The following RECK variants were observed in gnomAD, a reference collection of about 807,000 sequenced individuals.
RECK encodes the protein reversion inducing cysteine rich protein with kazal motifs, also known as reversion-inducing cysteine-rich protein with Kazal motifs.
In RECK, 69 loss-of-function variants were observed where a neutral mutation model predicts 115.1. The observed-to-expected ratio is 0.60, with a 90% confidence interval of 0.49 to 0.73. The LOEUF is 0.73. Ranked by LOEUF, RECK falls within the 30% of genes least tolerant of loss-of-function variation. The pLI is 0.00. For missense variants in RECK, 1,047 were observed against 1,203.7 expected (o/e 0.87, Z 1.93); for synonymous variants, 414 against 419.7 (o/e 0.99, Z 0.17).
intron 12 of RECK, among the ~76,000 whole-genome samples, chr9:36,104,218 T>G (rs1823670947): frequency 6.9e-6 from 1 of 145,980 alleles, no homozygotes; most frequent in Non-Finnish European, 1.5e-5. Flanking sequence ...ACACTACTTA[T>G]TACTTACAAT....
intron 2 of RECK, among the ~76,000 whole-genome samples, chr9:36,054,810 T>A (rs1360752078): frequency 6.6e-6 from 1 of 152,182 alleles, no homozygotes; most frequent in African/African-American, 2.4e-5. Flanking sequence ...AATATAGGGA[T>A]TGTGTCTCAT....
intron 7 of RECK, among the ~76,000 whole-genome samples, chr9:36,082,872 A>G (rs1325309366): frequency 1.3e-5 from 2 of 152,198 alleles, no homozygotes; most frequent in African/African-American, 4.8e-5. Context: ...TGTTTTATAA[A>G]TGTGAGGGAT....
chr9:36,113,420 T>A (rs1462583428), intron 16 of RECK, among the ~76,000 whole-genome samples: 1 of 152,200 alleles, frequency 6.6e-6, no homozygotes, highest in African/African-American at 2.4e-5. Flanking sequence ...CCAAGAAAGT[T>A]TCTATGGAAA....
rs10972727 is a variant in RECK at position 36,110,066 on chromosome 9, T to A, written c.1875T>A (p.Arg625=). The A allele has an allele frequency of 0.35, 563,252 of 1,606,556 alleles. 103,114 individuals are homozygous for A. Among genetic ancestry groups the A allele is most frequent in the Middle Eastern group, 0.46 (2,796 of 6,042 alleles). ...CLSEHSSEDD[R]RTFTGLPCNC... ...GTGAGCACAGTTCAGAAGATGACCG[T>A]CGTACCTTCACAGGTGACTGTGATC... The change falls in exon 15 of 21, where the codon CGT becomes CGA. Residue 625 remains arginine, a synonymous_variant. Coordinates refer to ENST00000377966, the MANE Select transcript of RECK (RefSeq NM_021111.3).
intron 1 of RECK, among the ~76,000 whole-genome samples, chr9:36,045,596 C>CTTT (rs74741110): frequency 1.6e-5 from 2 of 128,416 alleles, no homozygotes; most frequent in African/African-American, 5.6e-5. Flanking sequence ...TAGAGGGAAT[C>CTTT]TTTTTTTTTT....
At chr9:36,106,379 C>A (rs1823817882) in intron 13 of RECK, among the ~76,000 whole-genome samples, 1 of 151,314 alleles carries the variant, frequency 6.6e-6, no homozygotes, top group African/African-American at 2.4e-5. Flanking sequence ...GGATTACAGG[C>A]ACCCACCACC....
rs1824362358 is a variant in RECK, at chr9:36,118,905, A to C, written c.2402A>C (p.Glu801Ala). The C allele has an allele frequency of 6.2e-7, 1 of 1,613,510 alleles. No individual in the cohort carries two copies. The highest frequency in any genetic ancestry group is 1.3e-5 in the African/African-American group (1 of 74,884). ...CTCTCAGAGCACAGCTCCGTCGCCGAGTGTGCTTCTGTCAAGTGTCCTTCG... is the reference window on the plus strand; with the variant it reads ...CTCTCAGAGCACAGCTCCGTCGCCGCGTGTGCTTCTGTCAAGTGTCCTTCG... ...GVLSEHSSVA[E>A]CASVKCPSLL... is the part of the protein sequence containing the mutation. Residue 801 changes from glutamate (E) to alanine (A), a missense_variant, in exon 18 of 21, where the codon GAG becomes GCG. Coordinates refer to ENST00000377966, the MANE Select transcript of RECK (RefSeq NM_021111.3).
chr9:36,056,978 A>G (rs1455574561), intron 2 of RECK: 6 of 985,260 alleles, frequency 6.1e-6, no homozygotes, highest in Non-Finnish European at 7.2e-6. Context: ...CACTGTCCAT[A>G]GCATTCATGG....
In RECK at chr9:36,100,436, A is replaced by G; in HGVS notation, c.1191A>G (p.Ile397Met). The change falls in exon 11 of 21, where the codon ATA (isoleucine) becomes ATG (methionine). Residue 397 changes from isoleucine to methionine, a missense_variant. Physicochemically the swap from Ile to Met is conservative, Grantham distance 10 (BLOSUM62 1). Coordinates refer to ENST00000377966, the MANE Select transcript of RECK (RefSeq NM_021111.3). ...GCATAAAGATGCCATTTATCAATAT[A>G]CCTGTTCTTGATATTAAAAAGTGCC... ...KGSIKMPFINIPVLDIKKCQP... is the reference protein window; with the variant it reads ...KGSIKMPFINMPVLDIKKCQP... 6.2e-7 allele frequency: 1 copy of G among 1,612,898 alleles called. No individual in the cohort carries two copies. The highest frequency in any genetic ancestry group is 8.5e-7 in the Non-Finnish European group (1 of 1,178,872).
chr9:36,084,154 G>A (rs1166407720), intron 8 of RECK, among the ~76,000 whole-genome samples: 3 of 152,136 alleles, frequency 2.0e-5, no homozygotes, highest in Non-Finnish European at 2.9e-5. Context: ...CCAGCACTTT[G>A]AGAAGCCAAG....
At position 36,037,940 on chromosome 9, in the gene RECK, A is replaced by G. The variant is rs571391034; in HGVS notation, c.100+842A>G. Among the ~76,000 whole-genome samples the G allele has an allele frequency of 4.2e-4, 63 of 149,076 alleles. 1 individual carries two copies. In the South Asian group the frequency reaches 0.013, roughly 31 times the overall value. Reference sequence around the variant, plus strand: ...CTGTACTAGACATTGAAAGATGGCTAGGACGTGTGCATGCAAAAGTGGTGA... The same window carrying G: ...CTGTACTAGACATTGAAAGATGGCTGGGACGTGTGCATGCAAAAGTGGTGA... On this transcript the variant is annotated intron_variant, in intron 1 of 20. Transcript: ENST00000377966.
intron 9 of RECK, among the ~76,000 whole-genome samples, 165 bp downstream of exon 9, chr9:36,088,126 C>T (rs769949837): frequency 2.5e-4 from 38 of 151,932 alleles, no homozygotes; most frequent in Non-Finnish European, 5.1e-4. Flanking sequence ...CATTGTGTAC[C>T]GTATACAAAA....
intron 10 of RECK, among the ~76,000 whole-genome samples, chr9:36,092,460 C>T (rs1169060077): frequency 1.3e-5 from 2 of 151,792 alleles, no homozygotes; most frequent in East Asian, 1.9e-4. Flanking sequence ...CAACCTCCGC[C>T]TCCTGGATTC....
chr9:36,090,680 A>T (rs1032310695), intron 9 of RECK, among the ~76,000 whole-genome samples: 2 of 152,214 alleles, frequency 1.3e-5, no homozygotes, highest in Non-Finnish European at 2.9e-5. Context: ...AAATGGCTTT[A>T]GTATAGTTTT....
chr9:36,100,468 A>G lies in RECK; in HGVS notation c.1223A>G (p.Glu408Gly). The change falls in exon 11 of 21, where the codon GAG becomes GGG. Residue 408 changes from glutamate (E) to glycine (G), a missense_variant. Physicochemically the swap from Glu to Gly is moderately conservative, Grantham distance 98 (BLOSUM62 -2). Coordinates refer to ENST00000377966, the MANE Select transcript of RECK (RefSeq NM_021111.3). ...CTTGATATTAAAAAGTGCCAGCCAG[A>G]GATGTGGAAAGCAATAGCTTGTTCA... ...PVLDIKKCQPEMWKAIACSLQ... is the reference protein window; with the variant it reads ...PVLDIKKCQPGMWKAIACSLQ... 2 of 1,614,130 alleles carry G rather than the reference A, an allele frequency of 1.2e-6. No individual in the cohort carries two copies. Among genetic ancestry groups the G allele is most frequent in the Middle Eastern group, 1.6e-4 (1 of 6,062 alleles).
intron 12 of RECK, 150 bp downstream of exon 12, chr9:36,102,380 C>A (rs1823596481): frequency 2.9e-6 from 2 of 685,374 alleles, no homozygotes; most frequent in Admixed American, 3.2e-5. Context: ...GTTTGCTTGG[C>A]CTTTTTGGCC....
chr9:36,054,499 T>TAAAAA (rs56001338), intron 2 of RECK, among the ~76,000 whole-genome samples: 2 of 127,184 alleles, frequency 1.6e-5, no homozygotes, highest in African/African-American at 5.9e-5. Context: ...GCCCTTAGTT[T>TAAAAA]AAAAAAAAAA....
At chr9:36,045,916 C>T (rs952616628) in intron 1 of RECK, among the ~76,000 whole-genome samples, 1 of 152,068 alleles carries the variant, frequency 6.6e-6, no homozygotes. Context: ...TCAGGCTACA[C>T]TAATACCTTC....
At chr9:36,060,471 CTT>C (rs1821709755) in intron 4 of RECK, among the ~76,000 whole-genome samples, 1 of 152,158 alleles carries the variant, frequency 6.6e-6, no homozygotes, top group Non-Finnish European at 1.5e-5. Flanking sequence ...ACTTTGTTCT[CTT>C]GTCTCCACTT....
Sources: allele counts gnomAD v4.1 joint callset (sites outside exome capture counted in the v4.1 genomes callset), GRCh38; gene constraint gnomAD v4.1.1; transcripts MANE v1.5; gene names NCBI Gene and HGNC (gene_info 2026-07-23, HGNC 2026-07-21).